Variants in MAP2K5 observed in about 807,000 individuals in gnomAD.
The protein encoded by MAP2K5 is dual specificity mitogen-activated protein kinase kinase 5.
Under a neutral mutation model 83.1 loss-of-function variants are expected in MAP2K5, and 49 were observed. The ratio of observed to expected loss-of-function variants is 0.59; its 90% CI spans 0.47 to 0.75. The LOEUF (loss-of-function observed/expected upper bound fraction) is 0.75, where lower values mean the gene tolerates loss of function less well. Among genes scored for constraint, MAP2K5 ranks in the 30% least tolerant of loss-of-function variants. The pLI is 0.00. For synonymous variants in MAP2K5, 202 were observed against 191.8 expected, an observed-to-expected ratio of 1.05 and a Z score of -0.44; for missense variants, 457 against 557.5, an observed-to-expected ratio of 0.82 and a Z score of 1.82.
intron 8 of MAP2K5, chr15:67,628,673 A>G: frequency 2.2e-6 from 2 of 909,966 alleles, no homozygotes; most frequent in Non-Finnish European, 3.6e-6. Flanking sequence ...AAATAACCAT[A>G]CTGTGAATGG....
chr15:67,567,232 T>G (rs2084856386), intron 3 of MAP2K5, among the ~76,000 whole-genome samples: 1 of 152,248 alleles, frequency 6.6e-6, no homozygotes, highest in South Asian at 2.1e-4. Context: ...GTTATGAGTT[T>G]GTGTTAATCA....
chr15:67,610,248 A>T lies in MAP2K5; in HGVS notation c.545+9499A>T, dbSNP rs540315442. 5.3e-5 allele frequency among the ~76,000 whole-genome samples: 8 copies of T among 152,318 alleles called. No homozygotes were observed. In the South Asian group the frequency reaches 1.7e-3, roughly 32 times the overall value. On this transcript the variant is annotated intron_variant, in intron 8 of 21. Coordinates refer to ENST00000178640, the MANE Select transcript of MAP2K5 (RefSeq NM_145160.3). ...TAGGTGTTAATTTTAGAGGCTTTTT[A>T]GTAGATGTTAAAACGTCCACTTCTT...
intron 4 of MAP2K5, among the ~76,000 whole-genome samples, chr15:67,583,473 G>A (rs895671192): frequency 1.3e-5 from 2 of 151,844 alleles, no homozygotes; most frequent in African/African-American, 4.8e-5. Flanking sequence ...TTATTTCTGT[G>A]TTTTTTTAAT....
At chr15:67,709,501 G>A (rs998534212) in intron 16 of MAP2K5, among the ~76,000 whole-genome samples, 5 of 150,844 alleles carry the variant, frequency 3.3e-5, no homozygotes, top group Non-Finnish European at 5.9e-5. Flanking sequence ...AAAACTACAG[G>A]GCTAAACTTT....
Position 67,750,003 on chromosome 15 carries a change from A to C in MAP2K5, c.1134+1402A>C, listed in dbSNP as rs114433191. On this transcript the variant is annotated intron_variant, in intron 19 of 21. Coordinates refer to ENST00000178640, the MANE Select transcript of MAP2K5 (RefSeq NM_145160.3). This position sits in a 1 kb window ranked among gnomAD's most constrained non-coding sequence, Gnocchi z 4.2. ...GGTAAAGGCATTCCTCACCAATACT[A>C]TGTGTGTTTCTCATTTGAATGTTTT... Among the ~76,000 whole-genome samples, 1 of 152,168 alleles carries C rather than the reference A, an allele frequency of 6.6e-6. No individual in the cohort carries two copies. The highest frequency in any genetic ancestry group is 2.4e-5 in the African/African-American group (1 of 41,428).
chr15:67,767,126 C>T (rs943598772), intron 19 of MAP2K5, among the ~76,000 whole-genome samples: 1 of 152,056 alleles, frequency 6.6e-6, no homozygotes, highest in Non-Finnish European at 1.5e-5. Context: ...CCCAGTGTTC[C>T]TTAGTCTTAT....
intron 13 of MAP2K5, 133 bp from the exon 14 acceptor site, chr15:67,692,346 T>A (rs2088134727): frequency 3.5e-6 from 2 of 570,490 alleles, no homozygotes; most frequent in Admixed American, 3.2e-5. Context: ...TTCATTAAAT[T>A]TGTGATTTGA....
intron 19 of MAP2K5, among the ~76,000 whole-genome samples, chr15:67,766,723 G>A (rs1378089937): frequency 6.6e-6 from 1 of 152,168 alleles, no homozygotes; most frequent in East Asian, 1.9e-4. Context: ...TTTAAAAAGA[G>A]AAAAGTGTAC....
intron 16 of MAP2K5, among the ~76,000 whole-genome samples, chr15:67,713,731 G>A (rs1818420871): frequency 6.7e-6 from 1 of 149,956 alleles, no homozygotes; most frequent in African/African-American, 2.5e-5. Flanking sequence ...GTGAGACTCC[G>A]TCTCAAAAAA....
At chr15:67,655,746 T>C (rs1043868719) in intron 11 of MAP2K5, among the ~76,000 whole-genome samples, 1 of 151,508 alleles carries the variant, frequency 6.6e-6, no homozygotes, top group Admixed American at 6.6e-5. Flanking sequence ...ATGTGTAGAT[T>C]CACTTTTTAA....
At chr15:67,710,009 G>T (rs947430385) in intron 16 of MAP2K5, among the ~76,000 whole-genome samples, 2 of 151,994 alleles carry the variant, frequency 1.3e-5, no homozygotes, top group African/African-American at 4.8e-5. Flanking sequence ...CTTTTCTATA[G>T]GAGTCAGACT....
chr15:67,617,296 T>A lies in MAP2K5; in HGVS notation c.546-13592T>A, dbSNP rs1257750033. On this transcript the variant is annotated intron_variant, in intron 8 of 21. Transcript: ENST00000178640. ...CTCACAATCACTAGGAAAGCACATA[T>A]GCTCCCTATTATAAATTCTTTCTGC... 3.3e-5 allele frequency among the ~76,000 whole-genome samples: 5 copies of A among 152,340 alleles called. No homozygotes were observed. The South Asian group carries it at 1.0e-3, about 32-fold the overall frequency.
chr15:67,659,231 A>C, intron 12 of MAP2K5: 1 of 171,280 alleles, frequency 5.8e-6, no homozygotes, highest in Non-Finnish European at 1.2e-5. Context: ...CATTTATAAT[A>C]ATGTAGGTTA....
At position 67,724,059 on chromosome 15, in the gene MAP2K5, G is replaced by A. The variant is rs1008704110; in HGVS notation, c.1045-3857G>A. On this transcript the variant is annotated intron_variant, in intron 16 of 21. Transcript: ENST00000178640. This position sits in a 1 kb window ranked among gnomAD's most constrained non-coding sequence, Gnocchi z 4.4. ...CTCTTGAGTGCTGATTGCCTTGCCC[G>A]ACCCCTAGTGATACAGAAACAGGCA... 6.6e-5 allele frequency among the ~76,000 whole-genome samples: 10 copies of A among 152,078 alleles called. No individual in the cohort carries two copies. The highest frequency in any genetic ancestry group is 1.3e-4 in the Admixed American group (2 of 15,272).
At chr15:67,684,669 T>G (rs1327890049) in intron 13 of MAP2K5, among the ~76,000 whole-genome samples, 1 of 152,150 alleles carries the variant, frequency 6.6e-6, no homozygotes, top group Admixed American at 6.5e-5. Flanking sequence ...AATAATGTAC[T>G]TTGCAGACAG....
intron 19 of MAP2K5, among the ~76,000 whole-genome samples, chr15:67,763,779 T>C (rs1373851241): frequency 6.6e-6 from 1 of 152,042 alleles, no homozygotes; most frequent in Non-Finnish European, 1.5e-5. Flanking sequence ...CAATTTAGGG[T>C]CTGACAGGCA....
intron 19 of MAP2K5, among the ~76,000 whole-genome samples, chr15:67,754,494 A>T (rs2089788189): frequency 6.6e-6 from 1 of 152,230 alleles, no homozygotes; most frequent in Admixed American, 6.5e-5. Flanking sequence ...GTGCCGAGAT[A>T]AATCCCTGTG....
rs1002245977 is a variant in MAP2K5, at chr15:67,565,729, C to CT, written c.252+2387dup. 1.1e-4 allele frequency among the ~76,000 whole-genome samples: 16 copies of CT among 152,100 alleles called. 1 individual carries two copies. The highest frequency in any genetic ancestry group is 4.1e-4 in the South Asian group (2 of 4,820). On this transcript the variant is annotated intron_variant, in intron 3 of 21. Transcript: ENST00000178640. The surrounding 1 kb of genome is among the most constrained non-coding windows in gnomAD (Gnocchi z 4.1). ...AAGTTTCTGAGATTACTTGGGTCCACTTTTTTTTATCTGAATAGAAGTCAT... is the reference window on the plus strand; with the variant it reads ...AAGTTTCTGAGATTACTTGGGTCCACTTTTTTTTTATCTGAATAGAAGTCAT...
At chr15:67,718,844 G>A (rs2088889414) in intron 16 of MAP2K5, among the ~76,000 whole-genome samples, 1 of 152,170 alleles carries the variant, frequency 6.6e-6, no homozygotes, top group Non-Finnish European at 1.5e-5. Context: ...CATACAATGT[G>A]TAATAATCAC....
Sources: allele counts gnomAD v4.1 joint callset (sites outside exome capture counted in the v4.1 genomes callset), GRCh38; gene constraint gnomAD v4.1.1; non-coding constraint Gnocchi (gnomAD v3.1); transcripts MANE v1.5; gene names NCBI Gene and HGNC (gene_info 2026-07-23, HGNC 2026-07-21).